The following TAFA2 variants were observed in gnomAD, a reference collection of about 807,000 sequenced individuals.
TAFA2 encodes the protein TAFA chemokine like family member 2.
Under a neutral mutation model 18.8 loss-of-function variants are expected in TAFA2, and 7 were observed. That is an observed-to-expected ratio of 0.37 (90% CI 0.21 to 0.70). The LOEUF (loss-of-function observed/expected upper bound fraction) is 0.70, where lower values mean the gene tolerates loss of function less well. Ranked by LOEUF, TAFA2 falls within the 30% of genes least tolerant of loss-of-function variation. The pLI, the probability that TAFA2 is intolerant of heterozygous loss-of-function variation, is 0.53. For missense variants in TAFA2, 122 were observed against 158.1 expected (o/e 0.77, Z 1.23); for synonymous variants, 60 against 54.2 (o/e 1.11, Z -0.47).
At chr12:61,949,488 A>G (rs1191112480) in intron 1 of TAFA2, among the ~76,000 whole-genome samples, 2 of 152,104 alleles carry the variant, frequency 1.3e-5, no homozygotes, top group African/African-American at 2.4e-5. Flanking sequence ...CAGCCAGTCA[A>G]TGGGGATTAA....
chr12:62,067,973 T>C lies in TAFA2; in HGVS notation c.-2+123286A>G, dbSNP rs147371342. 9.9e-5 allele frequency among the ~76,000 whole-genome samples: 15 copies of C among 151,936 alleles called. No homozygotes were observed. The East Asian group carries it at 2.7e-3, about 27-fold the overall frequency. On this transcript the variant is annotated intron_variant, in intron 1 of 4. Transcript: ENST00000416284. ...CCTTTTAATAATTTTTGTTTTTACT[T>C]TTTTTTTCAGATTCTTCTAAAAAAA... is the stretch of plus-strand genomic sequence containing the variant.
At chr12:61,834,949 G>C (rs1872859059) in intron 2 of TAFA2, among the ~76,000 whole-genome samples, 1 of 151,804 alleles carries the variant, frequency 6.6e-6, no homozygotes, top group South Asian at 2.1e-4. Flanking sequence ...CTTGGAACAT[G>C]TTCTTTTTTC....
At chr12:62,048,861 G>A (rs968552031) in intron 1 of TAFA2, among the ~76,000 whole-genome samples, 21 of 152,144 alleles carry the variant, frequency 1.4e-4, no homozygotes, top group Admixed American at 5.9e-4. Flanking sequence ...GCTGAGTACT[G>A]CATATATAGG....
chr12:61,835,501 G>A (rs1364250995), intron 2 of TAFA2, among the ~76,000 whole-genome samples: 2 of 151,900 alleles, frequency 1.3e-5, no homozygotes, highest in African/African-American at 2.4e-5. Context: ...GTACCCAATA[G>A]GTAGTTTGAA....
At chr12:62,032,890 T>A (rs1881497381) in intron 1 of TAFA2, among the ~76,000 whole-genome samples, 2 of 152,192 alleles carry the variant, frequency 1.3e-5, no homozygotes, top group South Asian at 4.1e-4. Context: ...CCTAAGAATA[T>A]CCTCCCACTC....
At chr12:62,003,059 C>T (rs1230740150) in intron 1 of TAFA2, among the ~76,000 whole-genome samples, 1 of 152,066 alleles carries the variant, frequency 6.6e-6, no homozygotes, top group African/African-American at 2.4e-5. Context: ...CTCCTTTCCC[C>T]TCTCACCACC....
rs187616981 is a variant in TAFA2, at chr12:62,094,402, C to T, written c.-2+96857G>A. On this transcript the variant is annotated intron_variant, in intron 1 of 4. Transcript: ENST00000416284. ...GGTAGACTGTACACTGCTCAGATGA[C>T]GTGTGCAATAAATTCTCAGAAATCA... is the stretch of plus-strand genomic sequence containing the variant. Among the ~76,000 whole-genome samples, 17 of 151,988 alleles carry T rather than the reference C, an allele frequency of 1.1e-4. No individual in the cohort carries two copies. In the East Asian group the frequency reaches 2.9e-3, roughly 26 times the overall value.
intron 4 of TAFA2, among the ~76,000 whole-genome samples, chr12:61,711,847 C>T (rs962449311): frequency 1.3e-5 from 2 of 151,794 alleles, no homozygotes; most frequent in African/African-American, 4.8e-5. Flanking sequence ...ACATGAAGAG[C>T]CTACTGAATC....
intron 1 of TAFA2, among the ~76,000 whole-genome samples, chr12:62,128,010 C>T (rs1870533847): frequency 1.3e-5 from 2 of 151,634 alleles, no homozygotes; most frequent in South Asian, 2.1e-4. Context: ...CCATGGGAGG[C>T]ACAATCAAGG....
chr12:61,973,781 C>T (rs1438786115), intron 1 of TAFA2, among the ~76,000 whole-genome samples: 3 of 151,704 alleles, frequency 2.0e-5, no homozygotes, highest in Non-Finnish European at 3.0e-5. Context: ...TGAAAATCCC[C>T]CGACCCTGGC....
At chr12:62,087,136 G>T (rs751537819) in intron 1 of TAFA2, among the ~76,000 whole-genome samples, 1 of 152,028 alleles carries the variant, frequency 6.6e-6, no homozygotes, top group African/African-American at 2.4e-5. Flanking sequence ...CAGGAGCTGG[G>T]TGAAAGAGAG....
intron 1 of TAFA2, among the ~76,000 whole-genome samples, chr12:62,205,984 C>T (rs900671415): frequency 6.6e-6 from 1 of 152,184 alleles, no homozygotes; most frequent in Non-Finnish European, 1.5e-5. Flanking sequence ...CCCTTTTCCC[C>T]ATGCGGCTCC....
At chr12:62,161,035 A>C (rs1463813515) in intron 1 of TAFA2, among the ~76,000 whole-genome samples, 1 of 152,242 alleles carries the variant, frequency 6.6e-6, no homozygotes, top group Non-Finnish European at 1.5e-5. Context: ...ATGACAATTA[A>C]AGATACGGTA....
intron 1 of TAFA2, among the ~76,000 whole-genome samples, chr12:62,189,165 G>A (rs1308284573): frequency 1.3e-5 from 2 of 151,274 alleles, no homozygotes; most frequent in African/African-American, 2.4e-5. Flanking sequence ...TTTTTTAAAG[G>A]CAAGAAAAGA....
rs141376458 is a variant in TAFA2, at chr12:62,085,186, T to C, written c.-2+106073A>G. 1.9e-3 allele frequency among the ~76,000 whole-genome samples: 283 copies of C among 152,250 alleles called. 2 individuals carry two copies. Among genetic ancestry groups the C allele is most frequent in the African/African-American group, 6.4e-3 (265 of 41,566 alleles). ...GGACTGGATTTCTTCAGGCTAAATATAGAAACTAGCCAAAGTCACAGGGAA... is the reference window on the plus strand; with the variant it reads ...GGACTGGATTTCTTCAGGCTAAATACAGAAACTAGCCAAAGTCACAGGGAA... On this transcript the variant is annotated intron_variant, in intron 1 of 4. Transcript: ENST00000416284.
intron 1 of TAFA2, among the ~76,000 whole-genome samples, chr12:61,944,230 G>C (rs1429160813): frequency 6.7e-6 from 1 of 149,552 alleles, no homozygotes; most frequent in African/African-American, 2.5e-5. Flanking sequence ...AATGAAGGCA[G>C]AAATAAAGAT....
At chr12:62,246,641 T>A (rs1303571283) in intron 1 of TAFA2, among the ~76,000 whole-genome samples, 3 of 152,214 alleles carry the variant, frequency 2.0e-5, no homozygotes, top group Non-Finnish European at 1.5e-5. Flanking sequence ...TGTTTTGAGG[T>A]CATTTATTTA....
chr12:62,003,398 G>A (rs1592542102), intron 1 of TAFA2, among the ~76,000 whole-genome samples: 1 of 152,014 alleles, frequency 6.6e-6, no homozygotes, highest in Non-Finnish European at 1.5e-5. Flanking sequence ...TATCCCATTA[G>A]ACAAGCTCCC....
intron 2 of TAFA2, among the ~76,000 whole-genome samples, chr12:61,789,691 TA>T (rs1344271624): frequency 2.0e-5 from 3 of 151,610 alleles, no homozygotes; most frequent in South Asian, 4.2e-4. Flanking sequence ...AAAGTATAAT[TA>T]AAAAAATAAA....
Sources: gnomAD v4.1 joint callset for allele counts (sites outside exome capture counted in the v4.1 genomes callset) on GRCh38, gnomAD v4.1.1 for gene constraint, MANE v1.5 for transcripts, NCBI Gene and HGNC (gene_info 2026-07-23, HGNC 2026-07-21) for gene names.